Variants in OR2L13 observed in about 807,000 individuals in gnomAD.
The protein encoded by OR2L13 is olfactory receptor family 2 subfamily L member 13, also known as olfactory receptor 2L13.
Under a neutral mutation model 15.3 loss-of-function variants are expected in OR2L13, and 14 were observed. The ratio of observed to expected loss-of-function variants is 0.91; its 90% CI spans 0.60 to 1.43. OR2L13 has a LOEUF of 1.43. Ranked by LOEUF, OR2L13 falls within the 40% of genes most tolerant of loss-of-function variation. The pLI is 0.00. For missense variants in OR2L13, 367 were observed against 387.9 expected, an observed-to-expected ratio of 0.95 and a Z score of 0.45; for synonymous variants, 152 against 142.9, an observed-to-expected ratio of 1.06 and a Z score of -0.45.
At chr1:248,039,255 T>G in the OR2L13 span, 2 of 1,530,044 alleles carry the variant, frequency 1.3e-6, no homozygotes, top group South Asian at 1.3e-5. Context: ...ATCAACTTAG[T>G]AGTGTACAGC....
chr1:248,035,937 A>G, the OR2L13 span, among the ~76,000 whole-genome samples: 3 of 152,180 alleles, frequency 2.0e-5, no homozygotes, highest in Admixed American at 1.3e-4. Flanking sequence ...TGATGGTGAT[A>G]CATATATACA....
At chr1:248,015,284 T>TCAA in the OR2L13 span, among the ~76,000 whole-genome samples, 1 of 152,164 alleles carries the variant, frequency 6.6e-6, no homozygotes, top group Non-Finnish European at 1.5e-5. Context: ...GAGAATCTAT[T>TCAA]GTGGAGGAAC....
chr1:248,016,425 T>C, the OR2L13 span, among the ~76,000 whole-genome samples: 1 of 152,154 alleles, frequency 6.6e-6, no homozygotes. Flanking sequence ...ATATGTATGA[T>C]TGTTGCCTGG....
At chr1:248,061,885 G>A in the OR2L13 span, 2 of 300,732 alleles carry the variant, frequency 6.7e-6, no homozygotes, top group African/African-American at 4.3e-5. Context: ...TTTTGTTTTT[G>A]GTCATGCAGA....
At chr1:248,052,161 C>T in the OR2L13 span, among the ~76,000 whole-genome samples, 1 of 152,134 alleles carries the variant, frequency 6.6e-6, no homozygotes, top group Non-Finnish European at 1.5e-5. Context: ...AGTTTTATCT[C>T]TTGCATTTAG....
At chr1:248,048,687 C>T in the OR2L13 span, among the ~76,000 whole-genome samples, 1 of 152,118 alleles carries the variant, frequency 6.6e-6, no homozygotes, top group African/African-American at 2.4e-5. Context: ...CACCATTTCC[C>T]AGCCCTATGT....
the OR2L13 span, among the ~76,000 whole-genome samples, chr1:247,989,942 T>G: frequency 6.6e-6 from 1 of 152,048 alleles, no homozygotes; most frequent in African/African-American, 2.4e-5. Flanking sequence ...CATTTTATCA[T>G]CAGAAGAAAA....
the OR2L13 span, among the ~76,000 whole-genome samples, chr1:248,085,719 A>G: frequency 2.6e-5 from 4 of 152,168 alleles, no homozygotes; most frequent in East Asian, 7.7e-4. Flanking sequence ...TGTTTACTTA[A>G]ATGTTTTAAA....
the OR2L13 span, among the ~76,000 whole-genome samples, chr1:248,070,729 CA>C: frequency 2.6e-5 from 4 of 151,812 alleles, no homozygotes; most frequent in Non-Finnish European, 4.4e-5. Context: ...AGACCACTAG[CA>C]AGACTAATAA....
the OR2L13 span, among the ~76,000 whole-genome samples, chr1:247,960,533 C>A: frequency 3.3e-5 from 5 of 152,162 alleles, no homozygotes; most frequent in Admixed American, 6.5e-5. Context: ...GCCCTGCCCC[C>A]AGAGGTGGAG....
the OR2L13 span, among the ~76,000 whole-genome samples, chr1:248,066,303 G>A: frequency 6.6e-6 from 1 of 152,098 alleles, no homozygotes; most frequent in African/African-American, 2.4e-5. Flanking sequence ...TTGTTTCCTA[G>A]ACCTTGGCAA....
At chr1:248,032,755 A>G in the OR2L13 span, among the ~76,000 whole-genome samples, 1 of 152,102 alleles carries the variant, frequency 6.6e-6, no homozygotes, top group African/African-American at 2.4e-5. Context: ...TTCTCTGTGG[A>G]TGGACACTTA....
chr1:248,042,430 C>G, the OR2L13 span: 1 of 151,820 alleles, frequency 6.6e-6, no homozygotes, highest in Non-Finnish European at 1.5e-5. Context: ...GGGTGCAGTG[C>G]AGCAGCATGG....
the OR2L13 span, among the ~76,000 whole-genome samples, chr1:248,001,263 C>T: frequency 2.6e-5 from 4 of 152,014 alleles, no homozygotes; most frequent in Admixed American, 6.6e-5. Flanking sequence ...AATGCTGTGA[C>T]GTTCCAGGTG....
chr1:247,985,426 C>T, the OR2L13 span, among the ~76,000 whole-genome samples: 1 of 152,154 alleles, frequency 6.6e-6, no homozygotes, highest in Admixed American at 6.5e-5. Context: ...CATGTCCCTA[C>T]AAAGGGCATG....
the OR2L13 span, chr1:248,038,410 T>A: frequency 1.9e-6 from 3 of 1,613,848 alleles, no homozygotes; most frequent in East Asian, 2.2e-5. Flanking sequence ...ATTCTTCTCA[T>A]CTTTTTGGAC....
chr1:248,028,917 C>T, the OR2L13 span, among the ~76,000 whole-genome samples: 1 of 152,104 alleles, frequency 6.6e-6, no homozygotes, highest in African/African-American at 2.4e-5. Context: ...AAAACAGTAC[C>T]GTGGTTGCAC....
At chr1:247,981,549 C>G in the OR2L13 span, among the ~76,000 whole-genome samples, 1 of 152,114 alleles carries the variant, frequency 6.6e-6, no homozygotes, top group Non-Finnish European at 1.5e-5. Flanking sequence ...ACAATGTAAA[C>G]TTCCAGTGAA....
chr1:247,975,634 CAG>C, the OR2L13 span: 1 of 1,219,316 alleles, frequency 8.2e-7, no homozygotes, highest in East Asian at 2.4e-5. Context: ...ACGAGTGAGT[CAG>C]AGAATCTTCC....
Sources: gnomAD v4.1 joint callset for allele counts (sites outside exome capture counted in the v4.1 genomes callset) on GRCh38, gnomAD v4.1.1 for gene constraint, MANE v1.5 for transcripts, NCBI Gene and HGNC (gene_info 2026-07-23, HGNC 2026-07-21) for gene names.